The following SORCS1 variants were observed in gnomAD, a reference collection of about 807,000 sequenced individuals.
The protein encoded by SORCS1 is sortilin related VPS10 domain containing receptor 1, also known as VPS10 domain-containing receptor SorCS1.
Under a neutral mutation model 146.1 loss-of-function variants are expected in SORCS1, and 60 were observed. The ratio of observed to expected loss-of-function variants is 0.41; its 90% CI spans 0.33 to 0.51. The LOEUF (loss-of-function observed/expected upper bound fraction) is 0.51. SORCS1 is among the 20% of genes least tolerant of loss of function. SORCS1 has a pLI of 0.21. For synonymous variants in SORCS1, 637 were observed against 584.0 expected (o/e 1.09, Z -1.31); for missense variants, 1,352 against 1,487.6 (o/e 0.91, Z 1.50).
the SORCS1 span, among the ~76,000 whole-genome samples, chr10:107,174,195 C>T: frequency 2.6e-5 from 4 of 152,080 alleles, no homozygotes; most frequent in African/African-American, 7.2e-5. Context: ...GGAAATCCTG[C>T]ACATCCTTCT....
rs376846926 is a variant in SORCS1, at chr10:106,944,335, C to T, written c.626+12178G>A. On this transcript the variant is annotated intron_variant, in intron 2 of 25. Coordinates refer to ENST00000263054, the MANE Select transcript of SORCS1 (RefSeq NM_052918.5). ...GTATTGTGATTTAGTGCAATTTCCT[C>T]AATAAGCCATGCTGCCAGCACCTAG... Among the ~76,000 whole-genome samples the T allele has an allele frequency of 1.2e-4, 18 of 152,304 alleles. No individual in the cohort carries two copies. The East Asian group carries it at 3.5e-3, about 29-fold the overall frequency.
At chr10:106,765,561 G>T (rs964041883) in intron 4 of SORCS1, among the ~76,000 whole-genome samples, 4 of 152,138 alleles carry the variant, frequency 2.6e-5, no homozygotes, top group African/African-American at 9.7e-5. Context: ...CTTTGGAGCT[G>T]CCAGTTGGGT....
At chr10:107,142,201 G>A (rs1240836031) in intron 1 of SORCS1, among the ~76,000 whole-genome samples, 1 of 152,150 alleles carries the variant, frequency 6.6e-6, no homozygotes, top group Non-Finnish European at 1.5e-5. Flanking sequence ...CTTTGGCAGA[G>A]GTTTGCGAGG....
intron 2 of SORCS1, among the ~76,000 whole-genome samples, chr10:106,886,145 C>A (rs919164737): frequency 6.6e-6 from 1 of 152,040 alleles, no homozygotes; most frequent in Non-Finnish European, 1.5e-5. Context: ...ACCTGTAATC[C>A]CAGCTACTCA....
In SORCS1 at chr10:106,675,169, A is replaced by G; in HGVS notation, c.1833-13T>C. ...ATCAAAACTCAACCTAATGATATAA[A>G]AAATATCAGTCATCAGATCTCCAAA... On this transcript the variant is annotated splice_polypyrimidine_tract_variant and intron_variant, in intron 13 of 25. Transcript: ENST00000263054. 1 of 1,579,688 alleles carries G rather than the reference A, an allele frequency of 6.3e-7. No individual in the cohort carries two copies.
At chr10:106,801,429 A>T (rs182667264) in intron 3 of SORCS1, among the ~76,000 whole-genome samples, 8 of 152,228 alleles carry the variant, frequency 5.3e-5, no homozygotes. Context: ...AACATTTAAT[A>T]GCCCTTACTA....
intron 1 of SORCS1, among the ~76,000 whole-genome samples, chr10:107,072,469 G>A (rs1430247031): frequency 6.6e-6 from 1 of 152,110 alleles, no homozygotes; most frequent in Non-Finnish European, 1.5e-5. Flanking sequence ...GCTCTAGAGT[G>A]TAACGATTTA....
At chr10:106,626,567 G>A (rs1461633877) in intron 19 of SORCS1, among the ~76,000 whole-genome samples, 1 of 152,140 alleles carries the variant, frequency 6.6e-6, no homozygotes, top group African/African-American at 2.4e-5. Flanking sequence ...ACTCGGTTAT[G>A]TTCTTGTTCT....
intron 1 of SORCS1, among the ~76,000 whole-genome samples, chr10:107,117,478 A>G (rs1169910862): frequency 6.6e-6 from 1 of 152,186 alleles, no homozygotes; most frequent in Non-Finnish European, 1.5e-5. Flanking sequence ...AGGGCCCCCC[A>G]GAACTGTGAG....
chr10:106,894,270 CGTGTGTGTGTGTGTGTGTGTGT>C (rs3982431), intron 2 of SORCS1, among the ~76,000 whole-genome samples: 1 of 141,456 alleles, frequency 7.1e-6, no homozygotes, highest in Non-Finnish European at 1.6e-5. Flanking sequence ...CGCACGTGTG[CGTGTGTGTGTGTGTGTGTGTGT>C]GTGTGTGTGT....
At chr10:106,593,968 AT>A (rs1451245509) in intron 24 of SORCS1, among the ~76,000 whole-genome samples, 1 of 152,090 alleles carries the variant, frequency 6.6e-6, no homozygotes, top group Non-Finnish European at 1.5e-5. Flanking sequence ...AATTGGAAAC[AT>A]TTTTCAGTTC....
rs551664057 is a variant in SORCS1, at chr10:107,017,893, T to C, written c.559-61313A>G. On this transcript the variant is annotated intron_variant, in intron 1 of 25. Coordinates refer to ENST00000263054, the MANE Select transcript of SORCS1 (RefSeq NM_052918.5). ...GTTAGTCAGGCTAGTCTTGAACTCC[T>C]GATCTCAAGTGATCCACCAGCCTTG... Among the ~76,000 whole-genome samples, 5 of 152,286 alleles carry C rather than the reference T, an allele frequency of 3.3e-5. No individual in the cohort carries two copies. In the South Asian group the frequency reaches 1.0e-3, roughly 32 times the overall value.
At chr10:106,879,129 G>A (rs1055955078) in intron 2 of SORCS1, among the ~76,000 whole-genome samples, 10 of 142,702 alleles carry the variant, frequency 7.0e-5, no homozygotes, top group African/African-American at 1.3e-4. Context: ...CAGCCTGGGC[G>A]ACAGAGTGAG....
chr10:107,073,413 C>A (rs1962606468), intron 1 of SORCS1, among the ~76,000 whole-genome samples: 1 of 152,080 alleles, frequency 6.6e-6, no homozygotes, highest in Non-Finnish European at 1.5e-5. Context: ...ATGGCCACTG[C>A]CCTCAAGGAT....
At chr10:107,137,837 G>C (rs1967455931) in intron 1 of SORCS1, among the ~76,000 whole-genome samples, 1 of 150,750 alleles carries the variant, frequency 6.6e-6, no homozygotes, top group Non-Finnish European at 1.5e-5. Flanking sequence ...ACTCCAGCCT[G>C]GGCAACAAGA....
intron 3 of SORCS1, among the ~76,000 whole-genome samples, chr10:106,806,863 T>C (rs1237255974): frequency 6.6e-6 from 1 of 152,096 alleles, no homozygotes; most frequent in Non-Finnish European, 1.5e-5. Flanking sequence ...CTATTATTCA[T>C]GACAAATGCA....
chr10:106,782,409 C>T (rs1860967148), intron 3 of SORCS1, among the ~76,000 whole-genome samples: 1 of 152,156 alleles, frequency 6.6e-6, no homozygotes, highest in African/African-American at 2.4e-5. Context: ...GCATGAGCCA[C>T]CATGTAAGGC....
chr10:107,139,883 G>T (rs1967665145), intron 1 of SORCS1, among the ~76,000 whole-genome samples: 2 of 152,186 alleles, frequency 1.3e-5, no homozygotes, highest in African/African-American at 4.8e-5. Context: ...ACACTCCTAT[G>T]GGGTTGCTAG....
intron 3 of SORCS1, among the ~76,000 whole-genome samples, chr10:106,793,759 T>G (rs899359439): frequency 6.6e-6 from 1 of 152,244 alleles, no homozygotes; most frequent in East Asian, 1.9e-4. Context: ...TCCAGCCAAA[T>G]GTATAAGTAC....
Sources: gnomAD v4.1 joint callset for allele counts (sites outside exome capture counted in the v4.1 genomes callset) on GRCh38, gnomAD v4.1.1 for gene constraint, MANE v1.5 for transcripts, NCBI Gene and HGNC (gene_info 2026-07-23, HGNC 2026-07-21) for gene names.